The following LAG3 variants were observed in gnomAD, a reference collection of about 807,000 sequenced individuals.
The protein encoded by LAG3 is lymphocyte activating 3, also known as lymphocyte activation gene 3 protein.
Under a neutral mutation model 49.0 loss-of-function variants are expected in LAG3, and 29 were observed. That is an observed-to-expected ratio of 0.59 (90% CI 0.44 to 0.81). The LOEUF (loss-of-function observed/expected upper bound fraction) is 0.81, where lower values mean the gene tolerates loss of function less well. LAG3 is among the 30% of genes least tolerant of loss of function. The pLI is 0.00. For missense variants in LAG3, 693 were observed against 695.2 expected (o/e 1.00, Z 0.04); for synonymous variants, 320 against 297.3 (o/e 1.08, Z -0.79).
Position 6,773,756 on chromosome 12 carries a change from C to A in LAG3, c.266C>A (p.Pro89His). 1 of 1,327,188 alleles carries A rather than the reference C, an allele frequency of 7.5e-7. No homozygotes were observed. The highest frequency in any genetic ancestry group is 9.6e-7 in the Non-Finnish European group (1 of 1,045,196). 82.2% of individuals were successfully genotyped at this position (1,327,188 alleles called of 1,614,324 possible). ...PLAPGPHPAA[P>H]SSWGPRPRRY... ...GCCCCCGGCCCTCACCCGGCGGCGCCCTCCTCCTGGGGGCCCAGGCCCCGC... is the reference window on the plus strand; with the variant it reads ...GCCCCCGGCCCTCACCCGGCGGCGCACTCCTCCTGGGGGCCCAGGCCCCGC... The change falls in exon 3 of 8, where the codon CCC becomes CAC. Residue 89 changes from proline to histidine, a missense_variant. Coordinates refer to ENST00000203629, the MANE Select transcript of LAG3 (RefSeq NM_002286.6). This position sits in a 1 kb window ranked among gnomAD's most constrained non-coding sequence, Gnocchi z 5.5.
At chr12:6,775,229 A>AC in intron 4 of LAG3, 44 bp from the exon 5 acceptor site, 1 of 1,584,270 alleles carries the variant, frequency 6.3e-7, no homozygotes, top group African/African-American at 1.4e-5. Flanking sequence ...CTCCCTCCCC[A>AC]CTGCAGCACC....
In LAG3 at chr12:6,772,926, C is replaced by A; in HGVS notation, c.58+16C>A. On this transcript the variant is annotated intron_variant, in intron 1 of 7. Transcript: ENST00000203629. ...GTGGCTCCAGGTAAAACGGGGATGG[C>A]GGGAGGGTTGACCTCCAGCCCCACA... The A allele has an allele frequency of 6.2e-7, 1 of 1,613,146 alleles. No individual in the cohort carries two copies. The highest frequency in any genetic ancestry group is 8.5e-7 in the Non-Finnish European group (1 of 1,179,450).
In LAG3 at chr12:6,773,175, C is replaced by T. The variant is rs371208127; in HGVS notation, c.59-17C>T. The stretch of plus-strand genomic sequence containing the variant: ...GGCTCACGCCCCCTCCCCTTGGCCT[C>T]TCTTTTGCTCACCTAGTGAAGCCTC... On this transcript the variant is annotated splice_polypyrimidine_tract_variant and intron_variant, in intron 1 of 7. Coordinates refer to ENST00000203629, the MANE Select transcript of LAG3 (RefSeq NM_002286.6). This position sits in a 1 kb window ranked among gnomAD's most constrained non-coding sequence, Gnocchi z 5.5. The T allele has an allele frequency of 5.0e-6, 8 of 1,603,144 alleles. No homozygotes were observed. In the African/African-American group the frequency reaches 6.7e-5, roughly 13 times the overall value.
At chr12:6,777,737 C>CTAG in intron 6 of LAG3, 54 bp from the exon 7 acceptor site, 2 of 1,595,024 alleles carry the variant, frequency 1.3e-6, no homozygotes, top group Non-Finnish European at 1.7e-6. Context: ...GAGAGAATGA[C>CTAG]AAAGTGTCCT....
intron 3 of LAG3, 118 bp downstream of exon 3, chr12:6,774,119 A>C (rs1776928432): frequency 7.6e-7 from 1 of 1,320,012 alleles, no homozygotes; most frequent in Non-Finnish European, 9.6e-7. Flanking sequence ...GAGAGCTCCC[A>C]GAAGAGTAGA....
chr12:6,773,804 G>T lies in LAG3; in HGVS notation c.314G>T (p.Gly105Val). 7.2e-7 allele frequency: 1 copy of T among 1,398,276 alleles called. No individual in the cohort carries two copies. The highest frequency in any genetic ancestry group is 9.2e-7 in the Non-Finnish European group (1 of 1,081,822). 86.6% of individuals were successfully genotyped at this position (1,398,276 alleles called of 1,614,324 possible). A position where few individuals can be genotyped will look rare whatever the true frequency, so the allele number is the denominator to read the frequency against. Residue 105 changes from glycine (G) to valine (V), a missense_variant, in exon 3 of 8, where the codon GGT becomes GTT. Physicochemically the swap from Gly to Val is moderately radical, Grantham distance 109. Transcript: ENST00000203629. The surrounding 1 kb of genome is among the most constrained non-coding windows in gnomAD (Gnocchi z 5.5). ...RPRRYTVLSV[G>V]PGGLRSGRLP... Reference sequence around the variant, plus strand: ...CGCCGCTACACGGTGCTGAGCGTGGGTCCCGGAGGCCTGCGCAGCGGGAGG... The same window carrying T: ...CGCCGCTACACGGTGCTGAGCGTGGTTCCCGGAGGCCTGCGCAGCGGGAGG...
Position 6,773,342 on chromosome 12 carries a change from A to T in LAG3, c.206+3A>T. The T allele has an allele frequency of 1.9e-6, 3 of 1,613,346 alleles. No homozygotes were observed. Among genetic ancestry groups the T allele is most frequent in the Non-Finnish European group, 2.5e-6 (3 of 1,179,834 alleles). The stretch of plus-strand genomic sequence containing the variant: ...ACTTGGCAGCATCAGCCAGACAGGT[A>T]TGCACCCCAAACTTGGGCAACAGGA... On this transcript the variant is annotated splice_donor_region_variant and intron_variant, in intron 2 of 7. Transcript: ENST00000203629. The surrounding 1 kb of genome is among the most constrained non-coding windows in gnomAD (Gnocchi z 5.5).
chr12:6,775,690 C>T (rs535327069), intron 5 of LAG3, 142 bp downstream of exon 5: 2 of 753,206 alleles, frequency 2.7e-6, no homozygotes, highest in African/African-American at 1.8e-5. Flanking sequence ...CCCATCTCGG[C>T]CCCCACTTTT....
Position 6,773,618 on chromosome 12 carries a change from TCCTCAACGG to T in LAG3, c.207-78_207-70del. On this transcript the variant is annotated intron_variant, in intron 2 of 7. Coordinates refer to ENST00000203629, the MANE Select transcript of LAG3 (RefSeq NM_002286.6). The surrounding 1 kb of genome is among the most constrained non-coding windows in gnomAD (Gnocchi z 5.5). ...AGAACTCTTGGGGCGGGCTTTCTCA[TCCTCAACGG>T]GTGGCTGCCTGCATCCTCCCGGGCT... 1.5e-6 allele frequency: 2 copies of T among 1,333,262 alleles called. No homozygotes were observed. Among genetic ancestry groups the T allele is most frequent in the Non-Finnish European group, 1.9e-6 (2 of 1,048,090 alleles). 82.6% of individuals were successfully genotyped at this position (1,333,262 alleles called of 1,614,324 possible). A position where few individuals can be genotyped will look rare whatever the true frequency, so the allele number is the denominator to read the frequency against.
rs1941896910 is a variant in LAG3, at chr12:6,775,455, G to A, written c.964G>A (p.Asp322Asn). 6.2e-7 allele frequency: 1 copy of A among 1,613,952 alleles called. No homozygotes were observed. The highest frequency in any genetic ancestry group is 8.5e-7 in the Non-Finnish European group (1 of 1,180,034). ...DNGDFTLRLE[D>N]VSQAQAGTYT... ...TGGCGACTTTACCCTTCGACTAGAG[G>A]ATGTGAGCCAGGCCCAGGCTGGGAC... Residue 322 changes from aspartate (D) to asparagine (N), a missense_variant, in exon 5 of 8, where the codon GAT (aspartate) becomes AAT (asparagine). By Grantham distance (23) the Asp-to-Asn change is conservative. Transcript: ENST00000203629.
Position 6,774,676 on chromosome 12 carries a change from C to T in LAG3, c.593C>T (p.Ala198Val), listed in dbSNP as rs1321246920. Residue 198 changes from alanine (A) to valine (V), a missense_variant, in exon 4 of 8, where the codon GCC (alanine) becomes GTC (valine). Transcript: ENST00000203629. ...TCCTTCAGCCGCCCTGACCGCCCAG[C>T]CTCTGTGCATTGGTTCCGGAACCGG... ...NCSFSRPDRP[A>V]SVHWFRNRGQ... The T allele has an allele frequency of 6.2e-7, 1 of 1,614,088 alleles. No individual in the cohort carries two copies. The highest frequency in any genetic ancestry group is 1.7e-5 in the Admixed American group (1 of 60,008).
At position 6,775,327 on chromosome 12, in the gene LAG3, G is replaced by C; in HGVS notation, c.836G>C (p.Gly279Ala). The C allele has an allele frequency of 6.2e-7, 1 of 1,614,180 alleles. No individual in the cohort carries two copies. The highest frequency in any genetic ancestry group is 1.1e-5 in the South Asian group (1 of 91,086). The change falls in exon 5 of 8, where the codon GGG (glycine) becomes GCG (alanine). Residue 279 changes from glycine (G) to alanine (A), a missense_variant. Gly to Ala is a moderately conservative substitution (Grantham distance 60, BLOSUM62 0). Transcript: ENST00000203629. Reference sequence around the variant, plus strand: ...TACGCTGGAGCAGGTTCCAGGGTGGGGCTGCCCTGCCGCCTGCCTGCTGGT... The same window carrying C: ...TACGCTGGAGCAGGTTCCAGGGTGGCGCTGCCCTGCCGCCTGCCTGCTGGT... ...TVYAGAGSRV[G>A]LPCRLPAGVG...
chr12:6,777,730 A>G, intron 6 of LAG3, 61 bp from the exon 7 acceptor site: 14 of 1,585,078 alleles, frequency 8.8e-6, no homozygotes, highest in Non-Finnish European at 1.2e-5. Flanking sequence ...AAAGTCTGAG[A>G]GAATGACAAA....
At chr12:6,776,480 T>G (rs371692995) in intron 5 of LAG3, among the ~76,000 whole-genome samples, 56 of 152,180 alleles carry the variant, frequency 3.7e-4, no homozygotes, top group African/African-American at 1.3e-3. Context: ...CCCCGAAGAC[T>G]TTCTCAAAAC....
At position 6,773,462 on chromosome 12, in the gene LAG3, T is replaced by A; in HGVS notation, c.206+123T>A. 8.0e-7 allele frequency: 1 copy of A among 1,247,894 alleles called. No homozygotes were observed. The highest frequency in any genetic ancestry group is 1.1e-6 in the Non-Finnish European group (1 of 899,748). 77.3% of individuals were successfully genotyped at this position (1,247,894 alleles called of 1,614,324 possible). A position where few individuals can be genotyped will look rare whatever the true frequency, so the allele number is the denominator to read the frequency against. ...TCTGAAGCCAGTGACCCAGTCTCCC[T>A]GCCCTCGCTTGCACCGTTCCTGCCC... On this transcript the variant is annotated intron_variant, in intron 2 of 7. Coordinates refer to ENST00000203629, the MANE Select transcript of LAG3 (RefSeq NM_002286.6). This position sits in a 1 kb window ranked among gnomAD's most constrained non-coding sequence, Gnocchi z 5.5.
chr12:6,772,899 G>T lies in LAG3; in HGVS notation c.47G>T (p.Trp16Leu), dbSNP rs976491768. Residue 16 changes from tryptophan to leucine, a missense_variant, in exon 1 of 8, where the codon TGG becomes TTG. Transcript: ENST00000203629. Reference protein sequence around the residue: ...FLGLLFLQPLWVAPVKPLQPG... With the variant: ...FLGLLFLQPLLVAPVKPLQPG... ...GGCTTGCTGTTTCTGCAGCCGCTTT[G>T]GGTGGCTCCAGGTAAAACGGGGATG... 1.9e-6 allele frequency: 3 copies of T among 1,613,630 alleles called. No homozygotes were observed. The highest frequency in any genetic ancestry group is 2.5e-6 in the Non-Finnish European group (3 of 1,179,926).
Position 6,773,344 on chromosome 12 carries a change from G to A in LAG3, c.206+5G>A, listed in dbSNP as rs1248640119. On this transcript the variant is annotated splice_donor_5th_base_variant and intron_variant, in intron 2 of 7. Transcript: ENST00000203629. The surrounding 1 kb of genome is among the most constrained non-coding windows in gnomAD (Gnocchi z 5.5). ...TTGGCAGCATCAGCCAGACAGGTATGCACCCCAAACTTGGGCAACAGGACC... is the reference window on the plus strand; with the variant it reads ...TTGGCAGCATCAGCCAGACAGGTATACACCCCAAACTTGGGCAACAGGACC... 2 of 1,613,350 alleles carry A rather than the reference G, an allele frequency of 1.2e-6. No homozygotes were observed. Among genetic ancestry groups the A allele is most frequent in the South Asian group, 1.1e-5 (1 of 91,056 alleles).
chr12:6,773,842 C>T lies in LAG3; in HGVS notation c.352C>T (p.Pro118Ser), dbSNP rs376702298. Residue 118 changes from proline (P) to serine (S), a missense_variant, in exon 3 of 8, where the codon CCC (proline) becomes TCC (serine). Pro to Ser is a moderately conservative substitution (Grantham distance 74). Transcript: ENST00000203629. This position sits in a 1 kb window ranked among gnomAD's most constrained non-coding sequence, Gnocchi z 5.5. ...GLRSGRLPLQ[P>S]RVQLDERGRQ... is the part of the protein sequence containing the mutation. ...GCGCAGCGGGAGGCTGCCCCTGCAG[C>T]CCCGCGTCCAGCTGGATGAGCGCGG... The T allele has an allele frequency of 5.2e-4, 729 of 1,411,354 alleles. 3 individuals are homozygous for T. The African/African-American group carries it at 7.9e-3, about 15-fold the overall frequency. The allele number at this position is 1,411,354 out of a possible 1,614,324, so 87.4% of individuals were successfully genotyped here. A position where few individuals can be genotyped will look rare whatever the true frequency, so the allele number is the denominator to read the frequency against.
At chr12:6,777,696 C>T (rs1288526233) in intron 6 of LAG3, 95 bp from the exon 7 acceptor site, 1 of 1,517,596 alleles carries the variant, frequency 6.6e-7, no homozygotes, top group Non-Finnish European at 9.0e-7. Context: ...GTCCCTTAAA[C>T]TCTCTGGATC....
Sources: gnomAD v4.1 joint callset for allele counts (sites outside exome capture counted in the v4.1 genomes callset) on GRCh38, gnomAD v4.1.1 for gene constraint, Gnocchi (gnomAD v3.1) non-coding constraint, MANE v1.5 for transcripts, NCBI Gene and HGNC (gene_info 2026-07-23, HGNC 2026-07-21) for gene names.